ROBO3: variants seen among roughly 807,000 people sequenced by gnomAD.
ROBO3 encodes roundabout homolog 3.
A neutral mutation model predicts 160.5 loss-of-function variants in ROBO3; 97 were observed. That is an observed-to-expected ratio of 0.60 (90% CI 0.51 to 0.72). ROBO3 has a LOEUF of 0.72. Ranked by LOEUF, ROBO3 falls within the 30% of genes least tolerant of loss-of-function variation. The pLI is 0.00. For synonymous variants in ROBO3, 780 were observed against 746.2 expected (o/e 1.05, Z -0.74); for missense variants, 1,858 against 1,846.5 (o/e 1.01, Z -0.11).
chr11:124,878,623 A>G lies in ROBO3; in HGVS notation c.3360A>G (p.Arg1120=), dbSNP rs754696087. Residue 1120 remains arginine, a synonymous_variant, in exon 23 of 28, where the codon AGA becomes AGG. Transcript: ENST00000397801. This position sits in a 1 kb window ranked among gnomAD's most constrained non-coding sequence, Gnocchi z 4.3. The part of the protein sequence containing the change: ...PEEWCPPMPE[R]SHLTEPSSSG... ...AGTGGTGCCCGCCAATGCCTGAGAG[A>G]AGTCACCTGACGGAGCCCAGCTCCA... 6 of 1,612,952 alleles carry G rather than the reference A, an allele frequency of 3.7e-6. No individual in the cohort carries two copies. The highest frequency in any genetic ancestry group is 2.2e-5 in the East Asian group (1 of 44,842).
rs371125413 is a variant in ROBO3, at chr11:124,870,016, C to T, written c.714C>T (p.Ala238=). The T allele has an allele frequency of 2.0e-5, 32 of 1,614,036 alleles. No homozygotes were observed. The highest frequency in any genetic ancestry group is 2.6e-5 in the Non-Finnish European group (31 of 1,179,898). ...ATGCAGGCATGTATGTGTGCGTAGC[C>T]TCCAACATGGCGGGAGAACGGGAGA... The part of the protein sequence containing the change: ...KSDAGMYVCV[A]SNMAGERESA... Residue 238 remains alanine, a synonymous_variant, in exon 4 of 28, where the codon GCC becomes GCT. Coordinates refer to ENST00000397801, the MANE Select transcript of ROBO3 (RefSeq NM_022370.4).
At position 124,873,275 on chromosome 11, in the gene ROBO3, C is replaced by T; in HGVS notation, c.1537-35C>T. The T allele has an allele frequency of 2.5e-6, 4 of 1,578,002 alleles. No individual in the cohort carries two copies. Among genetic ancestry groups the T allele is most frequent in the Non-Finnish European group, 3.5e-6 (4 of 1,157,606 alleles). On this transcript the variant is annotated intron_variant, in intron 9 of 27. Coordinates refer to ENST00000397801, the MANE Select transcript of ROBO3 (RefSeq NM_022370.4). The surrounding 1 kb of genome is among the most constrained non-coding windows in gnomAD (Gnocchi z 4.5). The stretch of plus-strand genomic sequence containing the variant: ...CACCCCCTCACTGGATCTTGCTCCA[C>T]TCTCAGTTTGCCAGTGCTCTGCCCT...
chr11:124,880,984 G>A (rs1395451307), intron 27 of ROBO3, among the ~76,000 whole-genome samples: 1 of 152,152 alleles, frequency 6.6e-6, no homozygotes, highest in Non-Finnish European at 1.5e-5. Flanking sequence ...AGCCTGGGAG[G>A]TCAAGGCTGC....
intron 15 of ROBO3, 61 bp downstream of exon 15, chr11:124,875,746 A>G: frequency 6.5e-7 from 1 of 1,549,448 alleles, no homozygotes; most frequent in Non-Finnish European, 8.8e-7. Context: ...GGGAGGACCT[A>G]GTGGCTAGAA....
chr11:124,869,685 G>A lies in ROBO3; in HGVS notation c.645+78G>A. 1 of 1,440,176 alleles carries A rather than the reference G, an allele frequency of 6.9e-7. No homozygotes were observed. The highest frequency in any genetic ancestry group is 9.3e-7 in the Non-Finnish European group (1 of 1,071,230). 89.2% of individuals were successfully genotyped at this position (1,440,176 alleles called of 1,614,324 possible). The stretch of plus-strand genomic sequence containing the variant: ...GGGAGGTGACAAGGCTGGAGATTGA[G>A]ATCAGGGCATTAGCTAACCAGAGAC... On this transcript the variant is annotated intron_variant, in intron 3 of 27. Transcript: ENST00000397801. The surrounding 1 kb of genome is among the most constrained non-coding windows in gnomAD (Gnocchi z 4.2).
Position 124,869,364 on chromosome 11 carries a change from C to T in ROBO3, c.488-86C>T, listed in dbSNP as rs1946247437. 1 of 1,311,768 alleles carries T rather than the reference C, an allele frequency of 7.6e-7. No individual in the cohort carries two copies. The highest frequency in any genetic ancestry group is 1.1e-6 in the Non-Finnish European group (1 of 930,754). 81.3% of individuals were successfully genotyped at this position (1,311,768 alleles called of 1,614,324 possible). A position where few individuals can be genotyped will look rare whatever the true frequency, so the allele number is the denominator to read the frequency against. ...AATTCCAGTCTGCAGCGATCAACCC[C>T]TTCCCAAGACAACACTTTCCCTGTG... On this transcript the variant is annotated intron_variant, in intron 2 of 27. Coordinates refer to ENST00000397801, the MANE Select transcript of ROBO3 (RefSeq NM_022370.4). This position sits in a 1 kb window ranked among gnomAD's most constrained non-coding sequence, Gnocchi z 4.2.
chr11:124,869,529 C>G lies in ROBO3; in HGVS notation c.567C>G (p.Pro189=). 1 of 1,561,922 alleles carries G rather than the reference C, an allele frequency of 6.4e-7. No homozygotes were observed. Among genetic ancestry groups the G allele is most frequent in the Non-Finnish European group, 8.7e-7 (1 of 1,152,940 alleles). The part of the protein sequence containing the change: ...VGEPAVLECV[P]PRGHPEPSVS... ...AGCCAGCAGTACTGGAATGCGTGCC[C>G]CCCCGCGGCCACCCGGAGCCTTCCG... The change falls in exon 3 of 28, where the codon CCC becomes CCG. Residue 189 remains proline, a synonymous_variant. Coordinates refer to ENST00000397801, the MANE Select transcript of ROBO3 (RefSeq NM_022370.4). The surrounding 1 kb of genome is among the most constrained non-coding windows in gnomAD (Gnocchi z 4.2).
chr11:124,876,845 G>C lies in ROBO3; in HGVS notation c.2780-316G>C. ...TAAATTGTGCGGCGGGGTCTGGATGGAAAGGCGGGGCCCGCTGAAAGAAGG... is the reference window on the plus strand; with the variant it reads ...TAAATTGTGCGGCGGGGTCTGGATGCAAAGGCGGGGCCCGCTGAAAGAAGG... On this transcript the variant is annotated intron_variant, in intron 17 of 27. Transcript: ENST00000397801. This position sits in a 1 kb window ranked among gnomAD's most constrained non-coding sequence, Gnocchi z 5.3. 16 of 563,668 alleles carry C rather than the reference G, an allele frequency of 2.8e-5. No homozygotes were observed. The South Asian group carries it at 3.6e-4, about 13-fold the overall frequency. 34.9% of individuals were successfully genotyped at this position (563,668 alleles called of 1,614,324 possible).
At chr11:124,874,976 G>A in intron 13 of ROBO3, 67 bp downstream of exon 13, 1 of 1,557,176 alleles carries the variant, frequency 6.4e-7, no homozygotes, top group Non-Finnish European at 8.7e-7. Context: ...GCCTCCAAGA[G>A]TGAGTATGGG....
chr11:124,870,453 C>A lies in ROBO3; in HGVS notation c.906-148C>A, dbSNP rs60893540. 8,284 of 1,454,910 alleles carry A rather than the reference C, an allele frequency of 5.7e-3. 402 individuals are homozygous for A. The African/African-American group carries it at 0.1, about 18-fold the overall frequency. The allele number at this position is 1,454,910 out of a possible 1,614,324, so 90.1% of individuals were successfully genotyped here. ...TGGCCCCAGTCCTATCCAGTCCCCA[C>A]CTCCATTGATGGGTCCATGGGTAAC... On this transcript the variant is annotated intron_variant, in intron 5 of 27. Transcript: ENST00000397801.
Position 124,874,921 on chromosome 11 carries a change from A to G in ROBO3, c.2073+12A>G. ...AGGTGTCCTGGACTGTGAGTGTGGT[A>G]TGGGGAGGAGATTCAGGGTGGGGAT... On this transcript the variant is annotated intron_variant, in intron 13 of 27. Coordinates refer to ENST00000397801, the MANE Select transcript of ROBO3 (RefSeq NM_022370.4). 6.2e-7 allele frequency: 1 copy of G among 1,602,406 alleles called. No individual in the cohort carries two copies. The highest frequency in any genetic ancestry group is 8.5e-7 in the Non-Finnish European group (1 of 1,174,406).
At chr11:124,874,736 C>CCTATCTGGCTG in intron 12 of ROBO3, 52 bp from the exon 13 acceptor site, 1 of 1,567,234 alleles carries the variant, frequency 6.4e-7, no homozygotes, top group East Asian at 2.3e-5. Context: ...CACTCTCAGC[C>CCTATCTGGCTG]CTATCTCCCT....
In ROBO3 at chr11:124,869,925, A is replaced by G; in HGVS notation, c.646-23A>G. On this transcript the variant is annotated intron_variant, in intron 3 of 27. Transcript: ENST00000397801. The surrounding 1 kb of genome is among the most constrained non-coding windows in gnomAD (Gnocchi z 4.2). Reference sequence around the variant, plus strand: ...ACGCTGTGATAGCTGAAATGGACCAAAGTTACCATTATTGCTCTGCAGATC... The same window carrying G: ...ACGCTGTGATAGCTGAAATGGACCAGAGTTACCATTATTGCTCTGCAGATC... The G allele has an allele frequency of 1.3e-6, 2 of 1,576,192 alleles. No homozygotes were observed. The highest frequency in any genetic ancestry group is 1.7e-6 in the Non-Finnish European group (2 of 1,160,930).
In ROBO3 at chr11:124,868,936, A is replaced by G; in HGVS notation, c.295A>G (p.Lys99Glu). 1 of 1,607,264 alleles carries G rather than the reference A, an allele frequency of 6.2e-7. No homozygotes were observed. Among genetic ancestry groups the G allele is most frequent in the Non-Finnish European group, 8.5e-7 (1 of 1,177,616 alleles). Residue 99 changes from lysine (K) to glutamate (E), a missense_variant, in exon 2 of 28, where the codon AAG becomes GAG. Coordinates refer to ENST00000397801, the MANE Select transcript of ROBO3 (RefSeq NM_022370.4). ...GRPRPNIEWY[K>E]NGARVATVRE... Reference sequence around the variant, plus strand: ...ACCCCGACCCAACATTGAGTGGTACAAGAACGGGGCGCGTGTGGCCACTGT... The same window carrying G: ...ACCCCGACCCAACATTGAGTGGTACGAGAACGGGGCGCGTGTGGCCACTGT...
chr11:124,870,900 G>A, intron 6 of ROBO3, 114 bp from the exon 7 acceptor site: 2 of 1,520,658 alleles, frequency 1.3e-6, no homozygotes, highest in East Asian at 2.3e-5. Flanking sequence ...AGGAAGAGAT[G>A]GATATCTGCT....
chr11:124,873,970 G>A lies in ROBO3; in HGVS notation c.1785-100G>A, dbSNP rs1045514163. On this transcript the variant is annotated intron_variant, in intron 11 of 27. Transcript: ENST00000397801. The surrounding 1 kb of genome is among the most constrained non-coding windows in gnomAD (Gnocchi z 4.5). ...GGGATTCTCCAGTACCCTCTTGCAA[G>A]GGGAAGACATAATGGTCGTTCATAG... The A allele has an allele frequency of 1.3e-6, 2 of 1,585,056 alleles. No individual in the cohort carries two copies. The highest frequency in any genetic ancestry group is 2.2e-5 in the East Asian group (1 of 44,628).
In ROBO3 at chr11:124,874,154, C is replaced by G; in HGVS notation, c.1869C>G (p.Thr623=). Residue 623 remains threonine, a synonymous_variant, in exon 12 of 28, where the codon ACC becomes ACG. Transcript: ENST00000397801. Reference sequence around the variant, plus strand: ...CAGTCAGCGGTCTGCAGCCCAATACCATCTACCTGTTTCTGGTTCGAGCAG... The same window carrying G: ...CAGTCAGCGGTCTGCAGCCCAATACGATCTACCTGTTTCTGGTTCGAGCAG... ...THTVSGLQPN[T]IYLFLVRAVG... 1 of 1,613,978 alleles carries G rather than the reference C, an allele frequency of 6.2e-7. No homozygotes were observed. Among genetic ancestry groups the G allele is most frequent in the Non-Finnish European group, 8.5e-7 (1 of 1,179,880 alleles).
rs757331949 is a variant in ROBO3 at position 124,876,090 on chromosome 11, T to C, written c.2558T>C (p.Val853Ala). 2.5e-6 allele frequency: 4 copies of C among 1,608,058 alleles called. No individual in the cohort carries two copies. In the East Asian group the frequency reaches 8.9e-5, roughly 36 times the overall value. The change falls in exon 16 of 28, where the codon GTG (valine) becomes GCG (alanine). Residue 853 changes from valine (V) to alanine (A), a missense_variant. Coordinates refer to ENST00000397801, the MANE Select transcript of ROBO3 (RefSeq NM_022370.4). The surrounding 1 kb of genome is among the most constrained non-coding windows in gnomAD (Gnocchi z 5.3). ...GTCGCGGCGGCCACCAGCGCAGGCGTGGGCGTGCCCAGTGCCCCAGTGCTG... is the reference window on the plus strand; with the variant it reads ...GTCGCGGCGGCCACCAGCGCAGGCGCGGGCGTGCCCAGTGCCCCAGTGCTG... Reference protein sequence around the residue: ...TLVAAATSAGVGVPSAPVLVQ... With the variant: ...TLVAAATSAGAGVPSAPVLVQ...
rs1946319466 is a variant in ROBO3, at chr11:124,874,242, G to C, written c.1951+6G>C. ...TGAGCCTGTCCGTACACAGGGTAAG[G>C]TCAGAGTCCCTGGGCTCATGAGCAT... is the stretch of plus-strand genomic sequence containing the variant. On this transcript the variant is annotated splice_donor_region_variant and intron_variant, in intron 12 of 27. Coordinates refer to ENST00000397801, the MANE Select transcript of ROBO3 (RefSeq NM_022370.4). The C allele has an allele frequency of 6.2e-7, 1 of 1,608,030 alleles. No homozygotes were observed. The highest frequency in any genetic ancestry group is 1.7e-5 in the Admixed American group (1 of 59,598).
Sources: allele counts gnomAD v4.1 joint callset (sites outside exome capture counted in the v4.1 genomes callset), GRCh38; gene constraint gnomAD v4.1.1; non-coding constraint Gnocchi (gnomAD v3.1); transcripts MANE v1.5; gene names NCBI Gene and HGNC (gene_info 2026-07-23, HGNC 2026-07-21).